The following RBFOX1 variants were observed in gnomAD, a reference collection of about 807,000 sequenced individuals.
RBFOX1 encodes RNA binding protein fox-1 homolog 1.
RBFOX1 carries 8 observed loss-of-function variants against 57.7 expected under a neutral mutation model. The observed-to-expected ratio is 0.14, with a 90% CI of 0.08 to 0.25. The LOEUF is 0.25. Ranked by LOEUF, RBFOX1 falls within the 10% of genes least tolerant of loss-of-function variation. The probability of loss-of-function intolerance (pLI) is 1.00; values close to 1 mark genes in which losing one functional copy is unlikely to be tolerated. For synonymous variants in RBFOX1, 326 were observed against 222.4 expected, an observed-to-expected ratio of 1.47 and a Z score of -4.15; for missense variants, 611 against 548.5, an observed-to-expected ratio of 1.11 and a Z score of -1.14.
chr16:5,855,468 A>G (rs943556848), intron 3 of RBFOX1, among the ~76,000 whole-genome samples: 13 of 152,144 alleles, frequency 8.5e-5, no homozygotes, highest in Admixed American at 7.9e-4. Flanking sequence ...CATACCATTT[A>G]TTGAAGAGAC....
At chr16:5,542,483 T>C (rs1221445510) in intron 2 of RBFOX1, among the ~76,000 whole-genome samples, 6 of 151,510 alleles carry the variant, frequency 4.0e-5, no homozygotes, top group South Asian at 2.1e-4. Context: ...GGTCTCAAAC[T>C]CCTGACCTTG....
At chr16:5,454,468 G>A (rs978365750) in intron 1 of RBFOX1, among the ~76,000 whole-genome samples, 2 of 152,196 alleles carry the variant, frequency 1.3e-5, no homozygotes, top group Non-Finnish European at 2.9e-5. Flanking sequence ...TTTTATCTAA[G>A]GCATTAATAT....
chr16:7,522,006 G>C (rs184647732), intron 5 of RBFOX1, among the ~76,000 whole-genome samples: 1 of 152,084 alleles, frequency 6.6e-6, no homozygotes, highest in African/African-American at 2.4e-5. Flanking sequence ...AAGCCCTCTC[G>C]TGGGAATCAA....
chr16:6,570,597 C>G (rs2097331815), intron 2 of RBFOX1, among the ~76,000 whole-genome samples: 1 of 152,038 alleles, frequency 6.6e-6, no homozygotes, highest in Non-Finnish European at 1.5e-5. Flanking sequence ...TATTGTTTAT[C>G]TGTATCTCTA....
chr16:5,638,451 C>G (rs548859763), intron 3 of RBFOX1, among the ~76,000 whole-genome samples: 1 of 152,206 alleles, frequency 6.6e-6, no homozygotes, highest in South Asian at 2.1e-4. Flanking sequence ...GCTGGTGTTT[C>G]TAGGGGCCTC....
chr16:6,011,995 G>T (rs2094963797), intron 4 of RBFOX1, among the ~76,000 whole-genome samples: 1 of 152,240 alleles, frequency 6.6e-6, no homozygotes, highest in South Asian at 2.1e-4. Flanking sequence ...TGACCCTGTT[G>T]TATGGCTGTT....
At chr16:5,245,148 G>A (rs1300424707) in intron 1 of RBFOX1, among the ~76,000 whole-genome samples, 2 of 152,228 alleles carry the variant, frequency 1.3e-5, no homozygotes, top group Admixed American at 1.3e-4. Context: ...GTCCCTGCCA[G>A]GGATGCAGGC....
chr16:7,638,324 T>C (rs559554565), intron 11 of RBFOX1, among the ~76,000 whole-genome samples: 1 of 152,272 alleles, frequency 6.6e-6, no homozygotes, highest in South Asian at 2.1e-4. Context: ...AATTTAGGCT[T>C]GGGGGCGTTA....
At chr16:5,261,345 C>T (rs2062726546) in intron 1 of RBFOX1, among the ~76,000 whole-genome samples, 2 of 151,910 alleles carry the variant, frequency 1.3e-5, no homozygotes, top group African/African-American at 2.4e-5. Context: ...TTTTTAATTT[C>T]TTGGCTGACT....
intron 3 of RBFOX1, among the ~76,000 whole-genome samples, chr16:7,033,820 T>C (rs115191247): frequency 0.019 from 2,909 of 152,064 alleles, 82 homozygotes; most frequent in African/African-American, 0.063. Flanking sequence ...ATAAAACAAA[T>C]TAGCCCACTA....
rs547198652 is a variant in RBFOX1, at chr16:5,518,063, A to G, written c.258+50809A>G. ...TAAATTAATATTATTTAAAGAGTGC[A>G]AACATAAAACAACCTATAAATGCCT... On this transcript the variant is annotated intron_variant, in intron 2 of 2. Transcript: ENST00000585867. Among the ~76,000 whole-genome samples, 3 of 152,298 alleles carry G rather than the reference A, an allele frequency of 2.0e-5. No homozygotes were observed. The East Asian group carries it at 5.8e-4, about 29-fold the overall frequency.
intron 2 of RBFOX1, among the ~76,000 whole-genome samples, chr16:5,574,379 A>G (rs1222814722): frequency 6.6e-6 from 1 of 151,200 alleles, no homozygotes; most frequent in African/African-American, 2.4e-5. Flanking sequence ...CCACATCTCA[A>G]TAACTGCTTT....
intron 2 of RBFOX1, among the ~76,000 whole-genome samples, chr16:6,610,355 T>C (rs1306702884): frequency 2.0e-5 from 3 of 151,878 alleles, no homozygotes; most frequent in African/African-American, 4.8e-5. Flanking sequence ...GAAGACAGAG[T>C]ATCCCACTAT....
intron 3 of RBFOX1, among the ~76,000 whole-genome samples, chr16:6,938,273 A>T (rs2077709757): frequency 6.6e-6 from 1 of 152,180 alleles, no homozygotes; most frequent in South Asian, 2.1e-4. Context: ...TGCTGCGCAG[A>T]TCTTTAGCCT....
At position 6,871,974 on chromosome 16, in the gene RBFOX1, G is replaced by C. The variant is rs190090854; in HGVS notation, c.-15-180083G>C. ...GTGTGTGTGTGTGTTTCCCTCGGTA[G>C]AGTATGGGGATCTCTGAAACCCTTT... On this transcript the variant is annotated intron_variant, in intron 3 of 15. Coordinates refer to ENST00000550418, the MANE Select transcript of RBFOX1 (RefSeq NM_018723.4). Among the ~76,000 whole-genome samples the C allele has an allele frequency of 1.3e-3, 188 of 147,812 alleles. 1 individual carries two copies. The highest frequency in any genetic ancestry group is 4.5e-3 in the African/African-American group (180 of 39,854).
chr16:7,049,632 G>A (rs2049273063), intron 3 of RBFOX1, among the ~76,000 whole-genome samples: 1 of 152,054 alleles, frequency 6.6e-6, no homozygotes, highest in East Asian at 1.9e-4. Flanking sequence ...TATTGGTGGT[G>A]GGAGGTGGTA....
chr16:5,289,607 A>G (rs1270500607), intron 1 of RBFOX1, among the ~76,000 whole-genome samples: 2 of 152,262 alleles, frequency 1.3e-5, no homozygotes, highest in Non-Finnish European at 2.9e-5. Context: ...TTACTACAAA[A>G]TGCAAAAGTA....
intron 2 of RBFOX1, among the ~76,000 whole-genome samples, chr16:6,651,971 G>T (rs1357039723): frequency 6.6e-6 from 1 of 152,168 alleles, no homozygotes; most frequent in African/African-American, 2.4e-5. Context: ...GGCACAGAAG[G>T]ACAAATGTTG....
At chr16:6,265,288 A>G (rs1001428047) in intron 1 of RBFOX1, among the ~76,000 whole-genome samples, 3 of 151,812 alleles carry the variant, frequency 2.0e-5, no homozygotes, top group African/African-American at 7.3e-5. Context: ...GTGAGACAGA[A>G]TCTTGCTTTG....
Sources: allele counts gnomAD v4.1 joint callset (sites outside exome capture counted in the v4.1 genomes callset), GRCh38; gene constraint gnomAD v4.1.1; transcripts MANE v1.5; gene names NCBI Gene and HGNC (gene_info 2026-07-23, HGNC 2026-07-21).